Variants in PPP2R2B observed in about 807,000 individuals in gnomAD.
PPP2R2B encodes the protein serine/threonine-protein phosphatase 2A 55 kDa regulatory subunit B beta isoform.
Under a neutral mutation model 46.0 loss-of-function variants are expected in PPP2R2B, and 5 were observed. The ratio of observed to expected loss-of-function variants is 0.11; its 90% confidence interval spans 0.06 to 0.23. The LOEUF (loss-of-function observed/expected upper bound fraction) is 0.23, where lower values mean the gene tolerates loss of function less well. Among genes scored for constraint, PPP2R2B ranks in the 10% least tolerant of loss-of-function variants. The probability of loss-of-function intolerance (pLI) is 1.00; values close to 1 mark genes in which losing one functional copy is unlikely to be tolerated. For synonymous variants in PPP2R2B, 215 were observed against 206.7 expected, an observed-to-expected ratio of 1.04 and a Z score of -0.34; for missense variants, 367 against 575.0, an observed-to-expected ratio of 0.64 and a Z score of 3.70.
intron 1 of PPP2R2B, among the ~76,000 whole-genome samples, chr5:147,033,938 CA>C (rs1046501192): frequency 6.6e-6 from 1 of 151,682 alleles, no homozygotes; most frequent in South Asian, 2.1e-4. Flanking sequence ...TTAAAAATAA[CA>C]AAAAAAATTA....
intron 2 of PPP2R2B, chr5:146,751,716 T>C (rs1400553746): frequency 1.3e-5 from 2 of 152,224 alleles, no homozygotes; most frequent in Non-Finnish European, 2.9e-5. Flanking sequence ...TGATGAGTTC[T>C]ATGAAGAAAT....
chr5:146,663,661 A>C (rs1776809258), intron 5 of PPP2R2B, among the ~76,000 whole-genome samples: 1 of 152,156 alleles, frequency 6.6e-6, no homozygotes, highest in Non-Finnish European at 1.5e-5. Flanking sequence ...AACAAGGTAC[A>C]TGCCTGAAGT....
intron 2 of PPP2R2B, among the ~76,000 whole-genome samples, chr5:146,840,663 G>A (rs541787521): frequency 6.6e-6 from 1 of 152,210 alleles, no homozygotes; most frequent in Middle Eastern, 3.4e-3. Flanking sequence ...CATTCAAATA[G>A]TTCTATTTTG....
intron 7 of PPP2R2B, among the ~76,000 whole-genome samples, chr5:146,636,491 G>A (rs913990282): frequency 5.3e-5 from 8 of 152,306 alleles, no homozygotes; most frequent in Middle Eastern, 3.4e-3. Context: ...CCCCAGGGTC[G>A]CTGGTCTCTG....
chr5:146,743,643 C>T (rs1196858382), intron 2 of PPP2R2B, among the ~76,000 whole-genome samples: 1 of 152,156 alleles, frequency 6.6e-6, no homozygotes, highest in Non-Finnish European at 1.5e-5. Flanking sequence ...ATTATTATTT[C>T]CCTTTCAGAT....
intron 1 of PPP2R2B, among the ~76,000 whole-genome samples, chr5:146,943,768 C>A (rs1764397023): frequency 6.6e-6 from 1 of 152,136 alleles, no homozygotes; most frequent in Admixed American, 6.6e-5. Flanking sequence ...GGATCCAAAT[C>A]CAGCTTACTG....
intron 5 of PPP2R2B, among the ~76,000 whole-genome samples, chr5:146,660,601 C>T (rs966863915): frequency 2.0e-5 from 3 of 152,080 alleles, no homozygotes; most frequent in East Asian, 1.9e-4. Context: ...ACCAGCACCC[C>T]GCCAAAACCC....
intron 2 of PPP2R2B, among the ~76,000 whole-genome samples, chr5:147,063,076 G>C (rs1455064220): frequency 7.2e-6 from 1 of 138,536 alleles, no homozygotes; most frequent in Non-Finnish European, 1.6e-5. Flanking sequence ...AGAAGGGAAA[G>C]GAAGGGAAGG....
At chr5:146,670,710 G>A (rs1777298523) in intron 5 of PPP2R2B, among the ~76,000 whole-genome samples, 1 of 151,878 alleles carries the variant, frequency 6.6e-6, no homozygotes, top group Non-Finnish European at 1.5e-5. Flanking sequence ...CAGCCAGGCT[G>A]GTCTCGAACT....
intron 2 of PPP2R2B, among the ~76,000 whole-genome samples, chr5:146,818,767 G>A (rs958087679): frequency 6.6e-6 from 1 of 152,182 alleles, no homozygotes; most frequent in East Asian, 1.9e-4. Context: ...TTAATAGAAA[G>A]GATGCTGGCC....
At chr5:146,655,720 G>A (rs959870529) in intron 5 of PPP2R2B, among the ~76,000 whole-genome samples, 3 of 152,178 alleles carry the variant, frequency 2.0e-5, no homozygotes, top group African/African-American at 7.2e-5. Flanking sequence ...ATGCTTGGGA[G>A]GCAGACAAGT....
At chr5:146,917,050 T>C (rs561134864) in intron 1 of PPP2R2B, among the ~76,000 whole-genome samples, 1 of 152,286 alleles carries the variant, frequency 6.6e-6, no homozygotes, top group South Asian at 2.1e-4. Flanking sequence ...GTGAAGGTTA[T>C]AGCAATTATT....
chr5:146,707,036 A>G, intron 2 of PPP2R2B: 2 of 1,095,410 alleles, frequency 1.8e-6, no homozygotes, highest in Non-Finnish European at 2.8e-6. Context: ...ATGAGGACAA[A>G]TTCATTCTCC....
chr5:146,927,334 C>T (rs1190148754), intron 1 of PPP2R2B, among the ~76,000 whole-genome samples: 1 of 152,144 alleles, frequency 6.6e-6, no homozygotes, highest in African/African-American at 2.4e-5. Context: ...TCTCTTCTTC[C>T]TTCATTTTCC....
intron 2 of PPP2R2B, among the ~76,000 whole-genome samples, chr5:146,848,674 AG>A (rs536812226): frequency 1.1e-3 from 171 of 152,256 alleles, no homozygotes; most frequent in Non-Finnish European, 2.0e-3. Context: ...AATGTTTGTC[AG>A]GTTTCTCCAC....
chr5:146,770,323 T>G (rs1754766051), intron 2 of PPP2R2B, among the ~76,000 whole-genome samples: 1 of 111,198 alleles, frequency 9.0e-6, no homozygotes, highest in Non-Finnish European at 1.8e-5. Context: ...AGAGTGAGAT[T>G]CCGTCTCAAA....
chr5:147,010,414 A>G (rs1214661822), intron 1 of PPP2R2B, among the ~76,000 whole-genome samples: 1 of 152,126 alleles, frequency 6.6e-6, no homozygotes, highest in Non-Finnish European at 1.5e-5. Flanking sequence ...TATACAACTC[A>G]CCATAATGTA....
intron 1 of PPP2R2B, chr5:146,919,947 A>G (rs1352454279): frequency 3.3e-5 from 5 of 149,434 alleles, no homozygotes; most frequent in Admixed American, 6.7e-5. Context: ...TCTGCCTCTT[A>G]ATAGTTGTGT....
chr5:146,876,793 A>C (rs568945404), intron 2 of PPP2R2B, among the ~76,000 whole-genome samples: 4 of 152,304 alleles, frequency 2.6e-5, no homozygotes, highest in South Asian at 2.1e-4. Flanking sequence ...AGCACTGGAC[A>C]TTCTTTCTGT....
Sources: allele counts gnomAD v4.1 joint callset (sites outside exome capture counted in the v4.1 genomes callset), GRCh38; gene constraint gnomAD v4.1.1; transcripts MANE v1.5; gene names NCBI Gene and HGNC (gene_info 2026-07-23, HGNC 2026-07-21).